NFIB: variants seen among roughly 807,000 people sequenced by gnomAD.
NFIB encodes nuclear factor 1 B-type.
Under a neutral mutation model 61.5 loss-of-function variants are expected in NFIB, and 11 were observed. That is an observed-to-expected ratio of 0.18 (90% CI 0.11 to 0.30). NFIB has a LOEUF of 0.30. Ranked by LOEUF, NFIB falls within the 10% of genes least tolerant of loss-of-function variation. NFIB has a pLI of 1.00. For missense variants in NFIB, 471 were observed against 608.9 expected, an observed-to-expected ratio of 0.77 and a Z score of 2.38; for synonymous variants, 260 against 216.5, an observed-to-expected ratio of 1.20 and a Z score of -1.76.
At chr9:14,206,121 G>C (rs573466559) in intron 2 of NFIB, among the ~76,000 whole-genome samples, 4 of 151,592 alleles carry the variant, frequency 2.6e-5, no homozygotes, top group African/African-American at 9.7e-5. Flanking sequence ...GTGAAACAGA[G>C]TGGTTGTGTT....
chr9:14,121,295 G>A (rs960604047), intron 7 of NFIB, among the ~76,000 whole-genome samples: 1 of 152,042 alleles, frequency 6.6e-6, no homozygotes, highest in African/African-American at 2.4e-5. Context: ...TGTCTCATAA[G>A]CCCCATCTCA....
the NFIB span, among the ~76,000 whole-genome samples, chr9:14,528,780 A>C: frequency 1.3e-5 from 2 of 152,180 alleles, no homozygotes; most frequent in Admixed American, 6.5e-5. Context: ...AATAGAATGG[A>C]AAGTCCAAAA....
chr9:14,404,426 A>G, the NFIB span, among the ~76,000 whole-genome samples: 1 of 152,224 alleles, frequency 6.6e-6, no homozygotes, highest in African/African-American at 2.4e-5. Context: ...TCAAGACCAC[A>G]TGCATATACA....
At chr9:14,350,741 G>T (rs1252173916) in intron 1 of NFIB, among the ~76,000 whole-genome samples, 2 of 152,160 alleles carry the variant, frequency 1.3e-5, no homozygotes, top group African/African-American at 4.8e-5. Flanking sequence ...TCGTGAGAGT[G>T]GGGGCTAGGG....
the NFIB span, among the ~76,000 whole-genome samples, chr9:14,502,010 A>C: frequency 6.6e-6 from 1 of 152,208 alleles, no homozygotes; most frequent in Admixed American, 6.5e-5. Flanking sequence ...ATTGGATGAG[A>C]AATGGAAGTT....
At chr9:14,479,238 G>A in the NFIB span, among the ~76,000 whole-genome samples, 730 of 152,276 alleles carry the variant, frequency 4.8e-3, 5 homozygotes, top group African/African-American at 0.017. Context: ...CACCCTTGTG[G>A]GGGATTGCAG....
chr9:14,082,790 A>G lies in NFIB; in HGVS notation c.*5519T>C. 9.9e-6 allele frequency: 2 copies of G among 201,820 alleles called. No homozygotes were observed. Among genetic ancestry groups the G allele is most frequent in the Non-Finnish European group, 2.0e-5 (2 of 97,950 alleles). 12.5% of individuals were successfully genotyped at this position (201,820 alleles called of 1,614,324 possible). The stretch of plus-strand genomic sequence containing the variant: ...CTTCTTAAAAAAAAAAAAAAGAAAA[A>G]AAAAGACTTCCTTCTGCATAAAGAG... On this transcript the variant is annotated 3_prime_UTR_variant, in exon 11 of 11. Transcript: ENST00000380953.
intron 3 of NFIB, among the ~76,000 whole-genome samples, chr9:14,157,343 T>A (rs2043550724): frequency 6.6e-6 from 1 of 152,082 alleles, no homozygotes. Context: ...AGAAAATCAT[T>A]CAATTAGCAT....
Position 14,206,763 on chromosome 9 carries a change from G to C in NFIB, c.563-26983C>G, listed in dbSNP as rs191024635. 5.4e-5 allele frequency among the ~76,000 whole-genome samples: 8 copies of C among 147,720 alleles called. No individual in the cohort carries two copies. The East Asian group carries it at 1.6e-3, about 29-fold the overall frequency. ...AGATTTTGCCTGTGTCTTAGTTTCA[G>C]TCATGTTTGGTATATATTGCCAAGT... On this transcript the variant is annotated intron_variant, in intron 2 of 10. Transcript: ENST00000380953.
intron 2 of NFIB, among the ~76,000 whole-genome samples, chr9:14,291,016 T>C (rs77617364): frequency 6.6e-6 from 1 of 152,236 alleles, no homozygotes; most frequent in East Asian, 1.9e-4. Flanking sequence ...TTTCACCATA[T>C]ACTGTCAAAC....
chr9:14,484,022 A>C, the NFIB span, among the ~76,000 whole-genome samples: 8 of 152,344 alleles, frequency 5.3e-5, no homozygotes, highest in South Asian at 1.7e-3. Flanking sequence ...TGTGAAAAGA[A>C]AACAGCTCTA....
chr9:14,287,254 A>AC (rs1218601646), intron 2 of NFIB, among the ~76,000 whole-genome samples: 10 of 151,290 alleles, frequency 6.6e-5, no homozygotes, highest in Non-Finnish European at 4.4e-5. Context: ...ACACGGTGAA[A>AC]CCCCGTCTCT....
At chr9:14,281,080 G>C (rs2058342602) in intron 2 of NFIB, among the ~76,000 whole-genome samples, 1 of 152,092 alleles carries the variant, frequency 6.6e-6, no homozygotes, top group Admixed American at 6.5e-5. Flanking sequence ...AAATGGTTGT[G>C]AGAGCAGCAA....
chr9:14,150,048 ATC>A (rs2042690834), intron 5 of NFIB, 95 bp downstream of exon 5: 4 of 1,503,790 alleles, frequency 2.7e-6, no homozygotes, highest in Admixed American at 2.2e-5. Context: ...ATTATTTCCC[ATC>A]TCTCTTTACC....
chr9:14,451,189 T>A, the NFIB span, among the ~76,000 whole-genome samples: 2 of 152,354 alleles, frequency 1.3e-5, no homozygotes, highest in African/African-American at 2.4e-5. Context: ...GGTAGCCAGA[T>A]AATTGAGGTA....
the NFIB span, among the ~76,000 whole-genome samples, chr9:14,409,777 A>T: frequency 6.6e-6 from 1 of 152,232 alleles, no homozygotes; most frequent in African/African-American, 2.4e-5. Context: ...GAAACCAGTT[A>T]AAATAGAATT....
intron 2 of NFIB, among the ~76,000 whole-genome samples, chr9:14,184,797 G>C (rs1208189835): frequency 1.3e-5 from 2 of 152,126 alleles, no homozygotes; most frequent in Non-Finnish European, 2.9e-5. Context: ...GAGGCAGGCA[G>C]ATTACTTGAG....
At chr9:14,403,444 T>G (rs2061761418), upstream of NFIB, among the ~76,000 whole-genome samples, 1 of 152,150 alleles carries the variant, frequency 6.6e-6, no homozygotes, top group Non-Finnish European at 1.5e-5. Context: ...ATCCATATTT[T>G]GTAATTTTCA....
At chr9:14,474,046 A>G in the NFIB span, among the ~76,000 whole-genome samples, 1 of 152,204 alleles carries the variant, frequency 6.6e-6, no homozygotes. Context: ...TACTACAAGG[A>G]TTTTATCAGA....
Sources: allele counts gnomAD v4.1 joint callset (sites outside exome capture counted in the v4.1 genomes callset), GRCh38; gene constraint gnomAD v4.1.1; transcripts MANE v1.5; gene names NCBI Gene and HGNC (gene_info 2026-07-23, HGNC 2026-07-21).